Variants in MEMO1 observed in about 807,000 individuals in gnomAD.
The protein encoded by MEMO1 is mediator of cell motility 1.
MEMO1 carries 6 observed loss-of-function variants against 45.2 expected under a neutral mutation model. The ratio of observed to expected loss-of-function variants is 0.13; its 90% CI spans 0.07 to 0.26. The LOEUF (loss-of-function observed/expected upper bound fraction) is 0.26. MEMO1 is among the 10% of genes least tolerant of loss of function. The pLI, the probability that MEMO1 is intolerant of heterozygous loss-of-function variation, is 1.00. For missense variants in MEMO1, 184 were observed against 370.5 expected, an observed-to-expected ratio of 0.50 and a Z score of 4.13; for synonymous variants, 78 against 124.3, an observed-to-expected ratio of 0.63 and a Z score of 2.48.
intron 2 of MEMO1, among the ~76,000 whole-genome samples, chr2:31,973,840 T>C (rs1037786076): frequency 2.6e-5 from 4 of 152,148 alleles, no homozygotes; most frequent in African/African-American, 7.2e-5. Context: ...GACTGCTTAA[T>C]AGGGGTTTTC....
chr2:31,978,244 G>A (rs1670232727), intron 2 of MEMO1, among the ~76,000 whole-genome samples: 3 of 151,956 alleles, frequency 2.0e-5, no homozygotes, highest in Non-Finnish European at 1.5e-5. Context: ...AAAATTAGCT[G>A]GGCGTGGTGG....
intron 4 of MEMO1, 135 bp downstream of exon 4, chr2:31,931,932 G>C: frequency 4.4e-6 from 3 of 688,330 alleles, no homozygotes; most frequent in Non-Finnish European, 7.3e-6. Flanking sequence ...ACAAAGTATA[G>C]TAAAATTCAT....
At chr2:31,875,295 C>T (rs1674399974) in intron 8 of MEMO1, among the ~76,000 whole-genome samples, 1 of 152,092 alleles carries the variant, frequency 6.6e-6, no homozygotes, top group Non-Finnish European at 1.5e-5. Context: ...CAGATGCAAA[C>T]TTAGAAGTCA....
Position 31,930,811 on chromosome 2 carries a change from A to ATTTTTTTTT in MEMO1, c.212+1247_212+1255dup, listed in dbSNP as rs376524077. On this transcript the variant is annotated intron_variant, in intron 4 of 9. Transcript: ENST00000404530. ...CAGGCGTGTGCCACCACGCCTGGCA[A>ATTTTTTTTT]TTTTTTTTTTTTTTTTTTTTGTATT... 1.9e-3 allele frequency among the ~76,000 whole-genome samples: 245 copies of ATTTTTTTTT among 126,058 alleles called. 6 individuals carry two copies. Among genetic ancestry groups the ATTTTTTTTT allele is most frequent in the African/African-American group, 7.2e-3 (231 of 32,080 alleles). The allele number at this position is 126,058 out of a possible 152,430, so 82.7% of individuals were successfully genotyped here.
intron 8 of MEMO1, among the ~76,000 whole-genome samples, chr2:31,875,599 C>T (rs1245456240): frequency 6.6e-6 from 1 of 152,160 alleles, no homozygotes; most frequent in Non-Finnish European, 1.5e-5. Context: ...CCATCCACTT[C>T]ATTCTACCTC....
chr2:31,910,113 A>G (rs1680330862), intron 6 of MEMO1, among the ~76,000 whole-genome samples: 1 of 152,120 alleles, frequency 6.6e-6, no homozygotes, highest in Admixed American at 6.5e-5. Flanking sequence ...AAGTGCTGAT[A>G]GCGAAAGAAA....
At chr2:31,874,205 C>T (rs1674218843) in intron 8 of MEMO1, among the ~76,000 whole-genome samples, 1 of 151,992 alleles carries the variant, frequency 6.6e-6, no homozygotes, top group African/African-American at 2.4e-5. Context: ...AAATGATAAC[C>T]TATGACCATC....
Position 31,933,334 on chromosome 2 carries a change from A to T in MEMO1, c.144-1199T>A, listed in dbSNP as rs1232908186. On this transcript the variant is annotated intron_variant, in intron 3 of 9. Transcript: ENST00000404530. Reference sequence around the variant, plus strand: ...CACCTCTTTAAAAAAAAAAAAAAAAAAAAAAAAAAAAAAAATTTATATATA... The same window carrying T: ...CACCTCTTTAAAAAAAAAAAAAAAATAAAAAAAAAAAAAAATTTATATATA... Among the ~76,000 whole-genome samples, 65 of 58,320 alleles carry T rather than the reference A, an allele frequency of 1.1e-3. 1 individual carries two copies. The highest frequency in any genetic ancestry group is 4.2e-3 in the African/African-American group (55 of 13,106). The allele number at this position is 58,320 out of a possible 152,430, so 38.3% of individuals were successfully genotyped here.
At chr2:31,907,721 A>G (rs992520818) in intron 6 of MEMO1, among the ~76,000 whole-genome samples, 8 of 151,796 alleles carry the variant, frequency 5.3e-5, no homozygotes, top group African/African-American at 1.9e-4. Context: ...TGAGCACGGG[A>G]GGTGGAAGTT....
At chr2:31,978,126 C>T (rs934503222) in intron 2 of MEMO1, among the ~76,000 whole-genome samples, 1 of 152,122 alleles carries the variant, frequency 6.6e-6, no homozygotes, top group Admixed American at 6.6e-5. Flanking sequence ...GTGGCTCACA[C>T]CTGTAATCCC....
intron 6 of MEMO1, among the ~76,000 whole-genome samples, chr2:31,897,736 C>T (rs1335847084): frequency 2.6e-5 from 4 of 152,138 alleles, no homozygotes; most frequent in East Asian, 3.9e-4. Flanking sequence ...CCTCATAAAA[C>T]GAGTTAGGGA....
chr2:31,933,351 T>TTATATA (rs370773425), intron 3 of MEMO1, among the ~76,000 whole-genome samples: 54 of 45,084 alleles, frequency 1.2e-3, no homozygotes, highest in South Asian at 3.2e-3. Context: ...AAAAAAAAAT[T>TTATATA]TATATATATA....
chr2:31,990,050 A>G (rs900316813), intron 2 of MEMO1, among the ~76,000 whole-genome samples: 5 of 152,182 alleles, frequency 3.3e-5, no homozygotes, highest in African/African-American at 1.2e-4. Context: ...CCAGGAGGTC[A>G]AGGTTGCAAT....
rs564108409 is a variant in MEMO1, at chr2:31,887,450, T to C, written c.581-3988A>G. Among the ~76,000 whole-genome samples the C allele has an allele frequency of 2.0e-4, 31 of 152,306 alleles. No homozygotes were observed. In the South Asian group the frequency reaches 6.2e-3, roughly 31 times the overall value. On this transcript the variant is annotated intron_variant, in intron 7 of 9. Coordinates refer to ENST00000404530, the MANE Select transcript of MEMO1 (RefSeq NM_001301833.4). ...GTCACACATTTACTTAATCACATCG[T>C]TTATATGCTAAGCCACTTTCAAATA...
chr2:32,000,787 CAT>C (rs1673204676), intron 2 of MEMO1, among the ~76,000 whole-genome samples: 1 of 146,194 alleles, frequency 6.8e-6, no homozygotes, highest in Admixed American at 6.8e-5. Context: ...TAGCATACCA[CAT>C]ATTTTTTTTT....
intron 2 of MEMO1, among the ~76,000 whole-genome samples, chr2:31,954,875 A>G (rs1170558695): frequency 6.6e-6 from 1 of 151,796 alleles, no homozygotes; most frequent in Non-Finnish European, 1.5e-5. Context: ...TTTATCCCAG[A>G]GATGTGCCAC....
intron 7 of MEMO1, among the ~76,000 whole-genome samples, chr2:31,888,753 T>A (rs1488257528): frequency 6.6e-6 from 1 of 152,064 alleles, no homozygotes; most frequent in Non-Finnish European, 1.5e-5. Context: ...TGTACAAGAC[T>A]GGTGATGCAA....
chr2:31,890,354 C>T (rs1676787522), intron 7 of MEMO1, among the ~76,000 whole-genome samples: 1 of 152,084 alleles, frequency 6.6e-6, no homozygotes, highest in Non-Finnish European at 1.5e-5. Context: ...TCAAAACATA[C>T]AGACATGCTT....
intron 8 of MEMO1, among the ~76,000 whole-genome samples, chr2:31,870,311 A>T (rs1673506933): frequency 6.6e-6 from 1 of 152,180 alleles, no homozygotes; most frequent in African/African-American, 2.4e-5. Flanking sequence ...CTGCTGTGAA[A>T]ATTTGTGTAT....
Sources: allele counts gnomAD v4.1 joint callset (sites outside exome capture counted in the v4.1 genomes callset), GRCh38; gene constraint gnomAD v4.1.1; transcripts MANE v1.5; gene names NCBI Gene and HGNC (gene_info 2026-07-23, HGNC 2026-07-21).